Variants in PTPRT observed in about 807,000 individuals in gnomAD.
PTPRT encodes protein tyrosine phosphatase receptor type T.
In PTPRT, 56 loss-of-function variants were observed where a neutral mutation model predicts 176.8. The ratio of observed to expected loss-of-function variants is 0.32; its 90% CI spans 0.26 to 0.40. The LOEUF (loss-of-function observed/expected upper bound fraction) is 0.40, where lower values mean the gene tolerates loss of function less well. PTPRT is among the 10% of genes least tolerant of loss of function. PTPRT has a pLI of 1.00. For missense variants in PTPRT, 1,540 were observed against 1,908.2 expected (o/e 0.81, Z 3.60); for synonymous variants, 783 against 739.0 (o/e 1.06, Z -0.96).
chr20:42,091,533 C>G (rs1305883152), intron 27 of PTPRT, among the ~76,000 whole-genome samples: 5 of 152,116 alleles, frequency 3.3e-5, no homozygotes, highest in Non-Finnish European at 7.3e-5. Flanking sequence ...AAATAAAGGA[C>G]TTTATTTATT....
In PTPRT at chr20:42,751,878, G is replaced by GAC. The variant is rs141712372; in HGVS notation, c.859+4582_859+4583dup. Among the ~76,000 whole-genome samples, 375 of 152,198 alleles carry GAC rather than the reference G, an allele frequency of 2.5e-3. 2 individuals are homozygous for GAC. Among genetic ancestry groups the GAC allele is most frequent in the African/African-American group, 8.6e-3 (359 of 41,512 alleles). On this transcript the variant is annotated intron_variant, in intron 6 of 30. Coordinates refer to ENST00000373187, the MANE Select transcript of PTPRT (RefSeq NM_007050.6). The stretch of plus-strand genomic sequence containing the variant: ...TGTCTTCCTTGCTCCTCAACTTACA[G>GAC]ACGGCCCATCTGGGTCTTCACCCTG...
At chr20:42,784,139 A>C (rs780707830) in intron 3 of PTPRT, among the ~76,000 whole-genome samples, 6 of 152,210 alleles carry the variant, frequency 3.9e-5, no homozygotes, top group Admixed American at 3.9e-4. Flanking sequence ...CTCCCTGTGC[A>C]TGACTACTTG....
chr20:42,895,022 G>T (rs1019890096), intron 1 of PTPRT, among the ~76,000 whole-genome samples: 3 of 152,182 alleles, frequency 2.0e-5, no homozygotes, highest in African/African-American at 7.2e-5. Context: ...AATGGTTACA[G>T]GGCACAGAAA....
chr20:42,811,415 C>T lies in PTPRT; in HGVS notation c.215-19949G>A, dbSNP rs574955908. Among the ~76,000 whole-genome samples the T allele has an allele frequency of 4.0e-4, 61 of 151,872 alleles. 1 individual carries two copies. Among genetic ancestry groups the T allele is most frequent in the African/African-American group, 1.4e-3 (59 of 41,428 alleles). On this transcript the variant is annotated intron_variant, in intron 2 of 30. Transcript: ENST00000373187. ...TTTTTTAACACTGTATTTGTCTTTA[C>T]TTGTATGTAGCAGAAGAAAAAGAAA... is the stretch of plus-strand genomic sequence containing the variant.
intron 6 of PTPRT, among the ~76,000 whole-genome samples, chr20:42,752,005 C>A (rs553043222): frequency 6.6e-6 from 1 of 152,224 alleles, no homozygotes; most frequent in Admixed American, 6.5e-5. Flanking sequence ...ACCCCATGAC[C>A]CAAATGTCCC....
Position 42,686,457 on chromosome 20 carries a change from C to CTTTTTTT in PTPRT, c.860-8305_860-8299dup, listed in dbSNP as rs71193668. 11 of 78,378 alleles carry CTTTTTTT rather than the reference C, an allele frequency of 1.4e-4. 1 individual carries two copies. The highest frequency in any genetic ancestry group is 1.9e-4 in the Non-Finnish European group (8 of 43,124). The allele number at this position is 78,378 out of a possible 1,614,324, so 4.9% of individuals were successfully genotyped here. ...TAGCACTTCCAGCTCATAGTGCACT[C>CTTTTTTT]TTTTTTTTTTTTTTTTTTTTTTTTT... On this transcript the variant is annotated intron_variant, in intron 6 of 30. Transcript: ENST00000373187.
rs1986872883 is a variant in PTPRT, at chr20:42,110,056, T to TC, written c.3254+276_3254+277insG. Among the ~76,000 whole-genome samples the TC allele has an allele frequency of 3.3e-5, 5 of 151,252 alleles. No individual in the cohort carries two copies. In the South Asian group the frequency reaches 1.1e-3, roughly 32 times the overall value. Reference sequence around the variant, plus strand: ...GTAGGTGGAGGACTTTTTCTTTTTTTTTTTTTTTGAGACAGAGTCTCGCTC... The same window carrying TC: ...GTAGGTGGAGGACTTTTTCTTTTTTTCTTTTTTTTGAGACAGAGTCTCGCTC... On this transcript the variant is annotated intron_variant, in intron 23 of 30. Coordinates refer to ENST00000373187, the MANE Select transcript of PTPRT (RefSeq NM_007050.6).
Position 42,912,026 on chromosome 20 carries a change from T to A in PTPRT, c.89-26094A>T, listed in dbSNP as rs375077723. On this transcript the variant is annotated intron_variant, in intron 1 of 30. Transcript: ENST00000373187. ...AAATTTTACTACTTATAAGGCAAGG[T>A]AATAAACCCTAGGAAATATCCACAT... 2.5e-4 allele frequency among the ~76,000 whole-genome samples: 37 copies of A among 145,834 alleles called. No homozygotes were observed. In the South Asian group the frequency reaches 8.2e-3, roughly 32 times the overall value.
intron 12 of PTPRT, among the ~76,000 whole-genome samples, chr20:42,311,464 T>C (rs752284244): frequency 3.9e-5 from 6 of 152,176 alleles, no homozygotes; most frequent in Non-Finnish European, 8.8e-5. Flanking sequence ...AACTTGCAGG[T>C]AGAGTAGGGA....
intron 9 of PTPRT, among the ~76,000 whole-genome samples, chr20:42,416,667 A>T (rs1373109179): frequency 6.6e-6 from 1 of 152,162 alleles, no homozygotes; most frequent in Non-Finnish European, 1.5e-5. Context: ...GGTTAAAGAG[A>T]TAAAGGTGTT....
At chr20:42,418,851 C>T (rs934809274) in intron 9 of PTPRT, among the ~76,000 whole-genome samples, 16 of 152,164 alleles carry the variant, frequency 1.1e-4, no homozygotes, top group Admixed American at 7.2e-4. Flanking sequence ...GAGGAGGAAG[C>T]TATTAAAGAT....
intron 7 of PTPRT, among the ~76,000 whole-genome samples, chr20:42,494,079 G>A (rs979927689): frequency 2.0e-5 from 3 of 151,886 alleles, no homozygotes; most frequent in Non-Finnish European, 4.4e-5. Context: ...CAATCATCTC[G>A]ACCCTTTCAT....
intron 23 of PTPRT, 101 bp downstream of exon 23, chr20:42,110,232 A>G (rs1986887061): frequency 2.7e-6 from 3 of 1,099,560 alleles, no homozygotes; most frequent in Non-Finnish European, 2.5e-6. Context: ...ATCTTTCTTT[A>G]GTAGAGACGA....
At chr20:42,566,113 A>T (rs879500688) in intron 7 of PTPRT, among the ~76,000 whole-genome samples, 62 of 89,162 alleles carry the variant, frequency 7.0e-4, no homozygotes, top group Non-Finnish European at 9.8e-4. Context: ...AGTATAATTA[A>T]AAAAAAATAG....
At chr20:42,836,987 C>T (rs1018912083) in intron 2 of PTPRT, among the ~76,000 whole-genome samples, 5 of 152,138 alleles carry the variant, frequency 3.3e-5, no homozygotes, top group Non-Finnish European at 7.3e-5. Flanking sequence ...GATTTGAACC[C>T]CAGCAGTCTG....
At chr20:42,301,945 T>C (rs2057474916) in intron 12 of PTPRT, among the ~76,000 whole-genome samples, 1 of 152,210 alleles carries the variant, frequency 6.6e-6, no homozygotes, top group African/African-American at 2.4e-5. Context: ...GACTTTTGTA[T>C]GTGTGAAACG....
chr20:43,042,792 T>G (rs2146215755), intron 1 of PTPRT, among the ~76,000 whole-genome samples: 1 of 139,580 alleles, frequency 7.2e-6, no homozygotes. Flanking sequence ...TTTCCAATAT[T>G]TCCTCTATCC....
chr20:42,319,262 C>CTTTTTTT (rs11483379), intron 11 of PTPRT, among the ~76,000 whole-genome samples: 1 of 142,636 alleles, frequency 7.0e-6, no homozygotes. Context: ...AGTATCCTTC[C>CTTTTTTT]TTTTTTTTTT....
rs116469163 is a variant in PTPRT, at chr20:43,083,544, G to A, written c.88+106102C>T. 9.1e-3 allele frequency among the ~76,000 whole-genome samples: 1,368 copies of A among 150,960 alleles called. 36 individuals are homozygous for A. Among genetic ancestry groups the A allele is most frequent in the African/African-American group, 0.031 (1,293 of 41,048 alleles). On this transcript the variant is annotated intron_variant, in intron 1 of 30. Coordinates refer to ENST00000373187, the MANE Select transcript of PTPRT (RefSeq NM_007050.6). ...CTGGCTCATTTTTGTATTTTAATAG[G>A]GACGGGGTTTCACCATGTTCGGCAG...
Sources: gnomAD v4.1 joint callset for allele counts (sites outside exome capture counted in the v4.1 genomes callset) on GRCh38, gnomAD v4.1.1 for gene constraint, MANE v1.5 for transcripts, NCBI Gene and HGNC (gene_info 2026-07-23, HGNC 2026-07-21) for gene names.